Variants in SYN3 observed in about 807,000 individuals in gnomAD.
SYN3 encodes the protein synapsin III.
In SYN3, 35 loss-of-function variants were observed where a neutral mutation model predicts 65.8. That is an observed-to-expected ratio of 0.53 (90% CI 0.41 to 0.70). SYN3 has a LOEUF of 0.70. Among genes scored for constraint, SYN3 ranks in the 30% least tolerant of loss-of-function variants. The pLI is 0.00. For missense variants in SYN3, 680 were observed against 749.0 expected (o/e 0.91, Z 1.08); for synonymous variants, 270 against 292.9 (o/e 0.92, Z 0.80).
chr22:32,531,473 CA>C (rs1225685533), intron 10 of SYN3, among the ~76,000 whole-genome samples: 3 of 152,176 alleles, frequency 2.0e-5, no homozygotes, highest in African/African-American at 7.2e-5. Context: ...ACGGTAGAGA[CA>C]GCCAAAGGAA....
intron 1 of SYN3, among the ~76,000 whole-genome samples, chr22:33,026,853 A>G (rs2053648140): frequency 6.6e-6 from 1 of 152,208 alleles, no homozygotes; most frequent in South Asian, 2.1e-4. Flanking sequence ...GTTGTTGAGA[A>G]AACGTGGCGA....
At chr22:32,799,357 C>T (rs139513596) in intron 6 of SYN3, among the ~76,000 whole-genome samples, 95 of 152,238 alleles carry the variant, frequency 6.2e-4, no homozygotes, top group Middle Eastern at 3.4e-3. Context: ...AAGGTAATTT[C>T]GTTACTTTTC....
At chr22:32,525,708 CAAAA>C (rs61433898) in intron 12 of SYN3, among the ~76,000 whole-genome samples, 3 of 80,382 alleles carry the variant, frequency 3.7e-5, no homozygotes, top group Admixed American at 1.5e-4. Flanking sequence ...GACTCCGTCT[CAAAA>C]AAAAAAAAAA....
chr22:32,865,123 T>A, intron 5 of SYN3, 119 bp from the exon 6 acceptor site: 1 of 757,766 alleles, frequency 1.3e-6, no homozygotes, highest in Non-Finnish European at 2.3e-6. Flanking sequence ...GTAGGTGCTA[T>A]CCTACCCTGC....
At chr22:32,592,737 G>A (rs1171050440) in intron 7 of SYN3, among the ~76,000 whole-genome samples, 4 of 152,162 alleles carry the variant, frequency 2.6e-5, no homozygotes, top group South Asian at 2.1e-4. Flanking sequence ...GTAGAATTAA[G>A]TTCTTTTCTC....
intron 12 of SYN3, among the ~76,000 whole-genome samples, chr22:32,524,293 AGAG>A (rs1176214877): frequency 1.3e-5 from 2 of 152,230 alleles, no homozygotes; most frequent in African/African-American, 2.4e-5. Context: ...TCATAGCTAA[AGAG>A]GAGAAGTCAA....
intron 6 of SYN3, among the ~76,000 whole-genome samples, chr22:32,767,888 G>C (rs1179279169): frequency 2.6e-5 from 4 of 152,118 alleles, no homozygotes; most frequent in Non-Finnish European, 5.9e-5. Context: ...TATAATCTAT[G>C]TGTTAACTAC....
rs1438702964 is a variant in SYN3 at position 32,518,202 on chromosome 22, G to A, written c.1451C>T (p.Ser484Phe). The change falls in exon 13 of 14, where the codon TCT becomes TTT. Residue 484 changes from serine (S) to phenylalanine (F), a missense_variant. Coordinates refer to ENST00000358763, the MANE Select transcript of SYN3 (RefSeq NM_003490.4). ...ACTGGATGCCCGGGATAGCTGCGGA[G>A]AGCCTGGTGACCTTTGCTGCTGTGG... is the stretch of plus-strand genomic sequence containing the variant. ...GSPQQQRSPGSPQLSRASSGS... is the reference protein window; with the variant it reads ...GSPQQQRSPGFPQLSRASSGS... The A allele has an allele frequency of 6.2e-7, 1 of 1,613,844 alleles. No individual in the cohort carries two copies. Among genetic ancestry groups the A allele is most frequent in the East Asian group, 2.2e-5 (1 of 44,894 alleles).
chr22:32,851,177 C>T (rs1017545329), intron 6 of SYN3, among the ~76,000 whole-genome samples: 1 of 152,112 alleles, frequency 6.6e-6, no homozygotes, highest in Non-Finnish European at 1.5e-5. Flanking sequence ...TGGCAGACAG[C>T]GCGGGAATGC....
chr22:32,695,894 A>T (rs555244712), intron 6 of SYN3, among the ~76,000 whole-genome samples: 1 of 151,720 alleles, frequency 6.6e-6, no homozygotes, highest in East Asian at 1.9e-4. Context: ...CTTTTATCTT[A>T]CTTTCAAGAA....
At chr22:32,596,646 C>T (rs1489932372) in intron 7 of SYN3, 28 bp downstream of exon 7, 2 of 1,612,588 alleles carry the variant, frequency 1.2e-6, no homozygotes, top group South Asian at 2.2e-5. Flanking sequence ...GGTGTGTCCA[C>T]TGTGAGTGGA....
At position 32,507,962 on chromosome 22, in the gene SYN3, GA is replaced by G. The variant is rs2057649267; in HGVS notation, c.*5729del. Among the ~76,000 whole-genome samples the G allele has an allele frequency of 6.6e-6, 1 of 151,282 alleles. No individual in the cohort carries two copies. The highest frequency in any genetic ancestry group is 1.5e-5 in the Non-Finnish European group (1 of 68,022). ...CCCTAATCCCACTCGAAGCAGCCCT[GA>G]GAAACATCGCCCATTCTCTCTCCAT... is the stretch of plus-strand genomic sequence containing the variant. On this transcript the variant is annotated 3_prime_UTR_variant, in exon 14 of 14. Coordinates refer to ENST00000358763, the MANE Select transcript of SYN3 (RefSeq NM_003490.4).
chr22:32,544,200 AG>A (rs1362794794), intron 7 of SYN3, among the ~76,000 whole-genome samples: 1 of 152,160 alleles, frequency 6.6e-6, no homozygotes, highest in East Asian at 1.9e-4. Context: ...GGCCTTCCAA[AG>A]TGCTGGGATT....
intron 7 of SYN3, among the ~76,000 whole-genome samples, chr22:32,557,045 G>C (rs2058513708): frequency 6.6e-6 from 1 of 152,060 alleles, no homozygotes; most frequent in Non-Finnish European, 1.5e-5. Context: ...CTCTGTTCAA[G>C]ATAGATGCAT....
intron 6 of SYN3, among the ~76,000 whole-genome samples, chr22:32,630,415 T>G: frequency 6.6e-6 from 1 of 152,208 alleles, no homozygotes; most frequent in Non-Finnish European, 1.5e-5. Flanking sequence ...TATTGTGATA[T>G]TTAAGTAAAT....
chr22:32,913,663 C>T (rs1569322507), intron 4 of SYN3, among the ~76,000 whole-genome samples: 1 of 152,102 alleles, frequency 6.6e-6, no homozygotes, highest in Non-Finnish European at 1.5e-5. Flanking sequence ...TAAAGTGACA[C>T]AGTGTGTGGG....
chr22:32,760,676 G>A (rs995018624), intron 6 of SYN3, among the ~76,000 whole-genome samples: 1 of 152,174 alleles, frequency 6.6e-6, no homozygotes, highest in African/African-American at 2.4e-5. Context: ...AGGCTCTGAG[G>A]GTGGGGCTCC....
chr22:32,752,564 A>T (rs967424589), intron 6 of SYN3, among the ~76,000 whole-genome samples: 5 of 152,110 alleles, frequency 3.3e-5, no homozygotes, highest in Non-Finnish European at 7.3e-5. Context: ...TCTACGACTC[A>T]CCGCATTTGT....
chr22:32,755,446 G>C (rs1489602716), intron 6 of SYN3, among the ~76,000 whole-genome samples: 3 of 152,310 alleles, frequency 2.0e-5, no homozygotes, highest in Admixed American at 1.3e-4. Flanking sequence ...GGTCCAAGGG[G>C]CTCCCATGAT....
Sources: allele counts gnomAD v4.1 joint callset (sites outside exome capture counted in the v4.1 genomes callset), GRCh38; gene constraint gnomAD v4.1.1; transcripts MANE v1.5; gene names NCBI Gene and HGNC (gene_info 2026-07-23, HGNC 2026-07-21).